Variants in CCSER1 observed in about 807,000 individuals in gnomAD.
The protein encoded by CCSER1 is coiled-coil serine rich protein 1, also known as serine-rich coiled-coil domain-containing protein 1.
Under a neutral mutation model 82.0 loss-of-function variants are expected in CCSER1, and 41 were observed. The ratio of observed to expected loss-of-function variants is 0.50; its 90% CI spans 0.39 to 0.65. The LOEUF (loss-of-function observed/expected upper bound fraction) is 0.65. Among genes scored for constraint, CCSER1 ranks in the 30% least tolerant of loss-of-function variants. CCSER1 has a pLI of 0.00. For missense variants in CCSER1, 1,119 were observed against 1,064.2 expected (o/e 1.05, Z -0.72); for synonymous variants, 414 against 383.9 (o/e 1.08, Z -0.92).
chr4:91,002,381 A>G lies in CCSER1; in HGVS notation c.2172+78934A>G, dbSNP rs532064607. ...TTTACATTTCCCTTCTTCCTCAGGA[A>G]TACCAGTTATTCTTAGGTTTGGTTG... On this transcript the variant is annotated intron_variant, in intron 9 of 10. Transcript: ENST00000509176. 3.3e-5 allele frequency among the ~76,000 whole-genome samples: 5 copies of G among 152,344 alleles called. No individual in the cohort carries two copies. In the East Asian group the frequency reaches 9.6e-4, roughly 29 times the overall value.
intron 5 of CCSER1, among the ~76,000 whole-genome samples, chr4:90,550,711 C>A (rs374616871): frequency 6.6e-6 from 1 of 152,062 alleles, no homozygotes; most frequent in African/African-American, 2.4e-5. Flanking sequence ...AAACTAACAT[C>A]CAAACCACTT....
At chr4:91,203,843 G>A (rs1245414592) in intron 10 of CCSER1, among the ~76,000 whole-genome samples, 1 of 151,800 alleles carries the variant, frequency 6.6e-6, no homozygotes, top group Non-Finnish European at 1.5e-5. Flanking sequence ...ATTACTGTCT[G>A]TTGAATCTAC....
intron 10 of CCSER1, among the ~76,000 whole-genome samples, chr4:91,270,398 C>T (rs1741929392): frequency 6.6e-6 from 1 of 152,092 alleles, no homozygotes; most frequent in Non-Finnish European, 1.5e-5. Flanking sequence ...TCTTTAGTAA[C>T]CACTTCCAGA....
chr4:90,158,858 G>A (rs1728862012), intron 1 of CCSER1, among the ~76,000 whole-genome samples: 1 of 152,024 alleles, frequency 6.6e-6, no homozygotes, highest in African/African-American at 2.4e-5. Flanking sequence ...ACCCTGCTTC[G>A]GCTCGCGCAG....
intron 8 of CCSER1, among the ~76,000 whole-genome samples, chr4:90,848,909 A>G (rs528524015): frequency 5.1e-4 from 77 of 152,310 alleles, no homozygotes; most frequent in African/African-American, 1.8e-3. Context: ...CTCTCCTGCC[A>G]CCCTGTGGAG....
intron 3 of CCSER1, among the ~76,000 whole-genome samples, chr4:90,394,891 A>G (rs1460801149): frequency 6.6e-6 from 1 of 152,196 alleles, no homozygotes; most frequent in Non-Finnish European, 1.5e-5. Flanking sequence ...GTCTTCCTGG[A>G]TAAATAACAT....
intron 8 of CCSER1, among the ~76,000 whole-genome samples, chr4:90,847,313 T>C (rs1472487692): frequency 1.3e-5 from 2 of 152,314 alleles, no homozygotes; most frequent in African/African-American, 4.8e-5. Context: ...GTGCATGCTG[T>C]CAGTGGAGCA....
chr4:91,222,380 C>G (rs1441229401), intron 10 of CCSER1, among the ~76,000 whole-genome samples: 1 of 151,968 alleles, frequency 6.6e-6, no homozygotes, highest in Non-Finnish European at 1.5e-5. Flanking sequence ...AATTTATTTT[C>G]TATAATTTGT....
intron 10 of CCSER1, among the ~76,000 whole-genome samples, chr4:91,183,422 A>AT (rs1258740194): frequency 6.6e-6 from 1 of 152,212 alleles, no homozygotes; most frequent in African/African-American, 2.4e-5. Context: ...AAATTTAGTT[A>AT]TTTTAGGGAG....
In CCSER1 at chr4:90,538,177, C is replaced by G. The variant is rs935464299; in HGVS notation, c.1724+69823C>G. Among the ~76,000 whole-genome samples, 3 of 151,728 alleles carry G rather than the reference C, an allele frequency of 2.0e-5. No individual in the cohort carries two copies. In the South Asian group the frequency reaches 6.2e-4, roughly 32 times the overall value. ...GTAAGTCACTCCTTCTTTTGTTTTC[C>G]CCATTGTTTGCCTGTGAGTAGGGAT... On this transcript the variant is annotated intron_variant, in intron 5 of 10. Transcript: ENST00000509176.
chr4:90,161,816 A>G (rs1436924824), intron 1 of CCSER1, among the ~76,000 whole-genome samples: 1 of 152,166 alleles, frequency 6.6e-6, no homozygotes, highest in Non-Finnish European at 1.5e-5. Context: ...CAGTTTAGAA[A>G]GTGCAATTAT....
At chr4:91,247,819 G>A (rs993632103) in intron 10 of CCSER1, among the ~76,000 whole-genome samples, 1 of 152,112 alleles carries the variant, frequency 6.6e-6, no homozygotes, top group African/African-American at 2.4e-5. Flanking sequence ...AGTGAGTTGA[G>A]ATCACACAAC....
intron 10 of CCSER1, among the ~76,000 whole-genome samples, chr4:91,249,716 G>A (rs568265940): frequency 2.0e-5 from 3 of 151,984 alleles, no homozygotes; most frequent in Non-Finnish European, 2.9e-5. Flanking sequence ...ACTTTCTGCT[G>A]TCTTGGTAGT....
intron 6 of CCSER1, among the ~76,000 whole-genome samples, chr4:90,675,089 C>T (rs1849809): frequency 0.46 from 69,710 of 151,686 alleles, 16,396 homozygotes; most frequent in Middle Eastern, 0.59. Flanking sequence ...AACAAGTTAC[C>T]TCATCCTTTC....
At chr4:90,161,318 A>G (rs1435239093) in intron 1 of CCSER1, among the ~76,000 whole-genome samples, 1 of 152,174 alleles carries the variant, frequency 6.6e-6, no homozygotes, top group African/African-American at 2.4e-5. Flanking sequence ...ATTCTGTTTC[A>G]GGTACTGTTC....
intron 4 of CCSER1, among the ~76,000 whole-genome samples, chr4:90,453,495 G>T (rs1761762854): frequency 6.6e-6 from 1 of 152,168 alleles, no homozygotes; most frequent in African/African-American, 2.4e-5. Flanking sequence ...ATTGTCTCTG[G>T]TTAGAGAAGG....
intron 10 of CCSER1, among the ~76,000 whole-genome samples, chr4:91,148,506 T>C (rs1046869301): frequency 6.6e-5 from 10 of 152,108 alleles, no homozygotes; most frequent in African/African-American, 9.7e-5. Flanking sequence ...TTATTATACT[T>C]TAAGTTCCAG....
At chr4:91,250,666 G>T (rs921796625) in intron 10 of CCSER1, among the ~76,000 whole-genome samples, 1 of 151,100 alleles carries the variant, frequency 6.6e-6, no homozygotes, top group East Asian at 1.9e-4. Context: ...ATATTTAAAT[G>T]ATGCCTTTTT....
intron 9 of CCSER1, among the ~76,000 whole-genome samples, chr4:91,061,281 TA>T (rs111414881): frequency 0.016 from 2,315 of 144,890 alleles, 46 homozygotes; most frequent in African/African-American, 0.051. Flanking sequence ...AAATGCAAAT[TA>T]AAAAAAAAAA....
Sources: gnomAD v4.1 joint callset for allele counts (sites outside exome capture counted in the v4.1 genomes callset) on GRCh38, gnomAD v4.1.1 for gene constraint, MANE v1.5 for transcripts, NCBI Gene and HGNC (gene_info 2026-07-23, HGNC 2026-07-21) for gene names.